The following DIXDC1 variants were observed in gnomAD, a reference collection of about 807,000 sequenced individuals.
DIXDC1 encodes the protein DIX domain containing 1.
A neutral mutation model predicts 103.1 loss-of-function variants in DIXDC1; 64 were observed. The ratio of observed to expected loss-of-function variants is 0.62; its 90% CI spans 0.51 to 0.76. The LOEUF (loss-of-function observed/expected upper bound fraction) is 0.76. Ranked by LOEUF, DIXDC1 falls within the 30% of genes least tolerant of loss-of-function variation. DIXDC1 has a pLI of 0.00. For missense variants in DIXDC1, 759 were observed against 834.2 expected (o/e 0.91, Z 1.11); for synonymous variants, 266 against 298.5 (o/e 0.89, Z 1.12).
chr11:112,000,997 A>G (rs1378346206), intron 17 of DIXDC1, among the ~76,000 whole-genome samples: 2 of 152,188 alleles, frequency 1.3e-5, no homozygotes, highest in East Asian at 1.9e-4. Context: ...TTGTACATCT[A>G]TGTTCCTAGC....
chr11:111,975,315 A>G, intron 5 of DIXDC1: 1 of 1,142,778 alleles, frequency 8.8e-7, no homozygotes, highest in Non-Finnish European at 1.1e-6. Context: ...TGTTTATGAT[A>G]GCCAGTTCCA....
At chr11:111,962,017 A>G (rs1555171137) in intron 1 of DIXDC1, among the ~76,000 whole-genome samples, 1 of 151,958 alleles carries the variant, frequency 6.6e-6, no homozygotes, top group Non-Finnish European at 1.5e-5. Flanking sequence ...CTTTGTTTCT[A>G]CCAGCCTGCA....
intron 1 of DIXDC1, among the ~76,000 whole-genome samples, chr11:111,940,691 A>G (rs1966389205): frequency 6.6e-6 from 1 of 152,220 alleles, no homozygotes; most frequent in Non-Finnish European, 1.5e-5. Flanking sequence ...GGATGGATAA[A>G]AGAATTGAAA....
rs368360799 is a variant in DIXDC1 at position 112,003,681 on chromosome 11, C to T, written c.1756+7535C>T. Among the ~76,000 whole-genome samples the T allele has an allele frequency of 6.3e-4, 95 of 151,624 alleles. 2 individuals carry two copies. The highest frequency in any genetic ancestry group is 2.3e-3 in the African/African-American group (94 of 41,288). On this transcript the variant is annotated intron_variant, in intron 17 of 19. Transcript: ENST00000440460. ...AGGCGTGGTGGTGCATGCCTGTAAT[C>T]CAGCTACTCGGGAGGCTGAGGCAGG...
chr11:112,009,680 A>T (rs1223580700), intron 17 of DIXDC1, among the ~76,000 whole-genome samples: 3 of 152,226 alleles, frequency 2.0e-5, no homozygotes, highest in African/African-American at 7.2e-5. Context: ...AATGTAATCC[A>T]TCACATAAAC....
At chr11:111,955,966 TGTG>T (rs1485842072) in intron 1 of DIXDC1, among the ~76,000 whole-genome samples, 13 of 142,214 alleles carry the variant, frequency 9.1e-5, no homozygotes, top group Non-Finnish European at 1.3e-4. Flanking sequence ...ATAAAGAAAA[TGTG>T]GTGCATATAT....
At chr11:112,009,612 C>T (rs1438693309) in intron 17 of DIXDC1, among the ~76,000 whole-genome samples, 3 of 152,158 alleles carry the variant, frequency 2.0e-5, no homozygotes, top group African/African-American at 4.8e-5. Context: ...TTATCCACCA[C>T]AATCAAGTCA....
intron 8 of DIXDC1, 136 bp downstream of exon 8, chr11:111,985,457 C>A: frequency 1.5e-6 from 1 of 673,334 alleles, no homozygotes; most frequent in Non-Finnish European, 2.5e-6. Context: ...ACATTTTTGA[C>A]CATTGTTTCC....
At chr11:111,975,119 T>C (rs782016608) in intron 5 of DIXDC1, 136 bp downstream of exon 5, 96 of 1,468,866 alleles carry the variant, frequency 6.5e-5, no homozygotes, top group Non-Finnish European at 7.3e-5. Flanking sequence ...GGGATACCCC[T>C]TAGCAGTGCT....
intron 1 of DIXDC1, among the ~76,000 whole-genome samples, chr11:111,960,125 G>T (rs1555170929): frequency 6.6e-6 from 1 of 151,828 alleles, no homozygotes; most frequent in African/African-American, 2.4e-5. Context: ...GGCCAGGCTG[G>T]TATTGAACTC....
At position 112,006,091 on chromosome 11, in the gene DIXDC1, C is replaced by T. The variant is rs111302548; in HGVS notation, c.1756+9945C>T. ...CGGAACACTCCTCCCCCAAATACTG[C>T]GCGTTTTCAACAGTCTTAGCAAATG... On this transcript the variant is annotated intron_variant, in intron 17 of 19. Transcript: ENST00000440460. Among the ~76,000 whole-genome samples the T allele has an allele frequency of 1.6e-3, 242 of 152,276 alleles. 1 individual carries two copies. Among genetic ancestry groups the T allele is most frequent in the Non-Finnish European group, 2.6e-3 (175 of 68,030 alleles).
upstream of DIXDC1, among the ~76,000 whole-genome samples, chr11:111,935,210 A>G (rs1592533361): frequency 6.6e-6 from 1 of 152,208 alleles, no homozygotes; most frequent in East Asian, 1.9e-4. Flanking sequence ...CAGACCTCAG[A>G]GCCCTCTGGT....
chr11:111,972,118 A>C (rs921064648), intron 3 of DIXDC1, among the ~76,000 whole-genome samples: 2 of 152,226 alleles, frequency 1.3e-5, no homozygotes, highest in Non-Finnish European at 2.9e-5. Flanking sequence ...CCTGCTTCTA[A>C]AACAAAAGGT....
chr11:111,949,932 C>T (rs1566472494), intron 1 of DIXDC1, among the ~76,000 whole-genome samples: 2 of 151,862 alleles, frequency 1.3e-5, no homozygotes, highest in Non-Finnish European at 2.9e-5. Flanking sequence ...TTTTTTTAAA[C>T]GTTTCTCTCT....
intron 2 of DIXDC1, among the ~76,000 whole-genome samples, chr11:111,966,666 G>A (rs1306779610): frequency 6.6e-6 from 1 of 152,162 alleles, no homozygotes; most frequent in African/African-American, 2.4e-5. Context: ...GCCTCCCACA[G>A]TGCTGGGATT....
At chr11:111,932,373 C>T (rs1311295971), upstream of DIXDC1, among the ~76,000 whole-genome samples, 3 of 151,206 alleles carry the variant, frequency 2.0e-5, no homozygotes, top group African/African-American at 7.3e-5. Context: ...AATTTTAAAA[C>T]TTCATGTGAA....
intron 1 of DIXDC1, among the ~76,000 whole-genome samples, chr11:111,956,205 G>A (rs1280033222): frequency 6.6e-5 from 10 of 152,146 alleles, no homozygotes; most frequent in African/African-American, 2.4e-4. Flanking sequence ...TAGAATGGTG[G>A]TTGCCAAGGG....
At chr11:111,990,245 C>A (rs2137573374) in intron 10 of DIXDC1, among the ~76,000 whole-genome samples, 1 of 152,114 alleles carries the variant, frequency 6.6e-6, no homozygotes, top group South Asian at 2.1e-4. Context: ...TGCGCACCAT[C>A]ACACCCAGCT....
intron 1 of DIXDC1, among the ~76,000 whole-genome samples, chr11:111,939,404 A>C (rs1188688599): frequency 6.6e-6 from 1 of 152,230 alleles, no homozygotes; most frequent in African/African-American, 2.4e-5. Context: ...TGGAATCTTC[A>C]TAAAAACAAC....
Sources: gnomAD v4.1 joint callset for allele counts (sites outside exome capture counted in the v4.1 genomes callset) on GRCh38, gnomAD v4.1.1 for gene constraint, MANE v1.5 for transcripts, NCBI Gene and HGNC (gene_info 2026-07-23, HGNC 2026-07-21) for gene names.